RANBP2: variants seen among roughly 807,000 people sequenced by gnomAD.
The protein encoded by RANBP2 is E3 SUMO-protein ligase RanBP2.
In RANBP2, 57 loss-of-function variants were observed where a neutral mutation model predicts 303.6. That is an observed-to-expected ratio of 0.19 (90% CI 0.15 to 0.23). The LOEUF (loss-of-function observed/expected upper bound fraction) is 0.23. Ranked by LOEUF, RANBP2 falls within the 10% of genes least tolerant of loss-of-function variation. The pLI is 1.00. For synonymous variants in RANBP2, 1,167 were observed against 1,301.5 expected (o/e 0.90, Z 2.23); for missense variants, 3,138 against 3,780.8 (o/e 0.83, Z 4.46).
the RANBP2 span, among the ~76,000 whole-genome samples, chr2:109,140,211 C>T: frequency 2.2e-4 from 34 of 152,346 alleles, no homozygotes; most frequent in African/African-American, 7.7e-4. Context: ...GATTGATGCA[C>T]GTGGTTGCAT....
the RANBP2 span, among the ~76,000 whole-genome samples, chr2:108,881,865 C>G: frequency 6.6e-6 from 1 of 152,092 alleles, no homozygotes; most frequent in East Asian, 1.9e-4. Context: ...GATTATTGGC[C>G]AGGCACGATG....
chr2:109,264,242 G>C, the RANBP2 span, among the ~76,000 whole-genome samples: 474 of 145,522 alleles, frequency 3.3e-3, 6 homozygotes, highest in African/African-American at 0.012. Flanking sequence ...GGTGCTCCCT[G>C]TCCACCTCCC....
the RANBP2 span, among the ~76,000 whole-genome samples, chr2:109,557,921 T>C: frequency 6.6e-6 from 1 of 150,906 alleles, no homozygotes; most frequent in Non-Finnish European, 1.5e-5. Flanking sequence ...ACCACCCAAG[T>C]AGCTGGGACT....
the RANBP2 span, among the ~76,000 whole-genome samples, chr2:109,274,063 A>T: frequency 6.6e-6 from 1 of 152,216 alleles, no homozygotes. Flanking sequence ...TATTATTAAC[A>T]TTACTGCTAT....
the RANBP2 span, among the ~76,000 whole-genome samples, chr2:109,023,954 T>G: frequency 6.6e-6 from 1 of 152,152 alleles, no homozygotes; most frequent in Non-Finnish European, 1.5e-5. Context: ...AGACGGAGTT[T>G]CACTCTTGTT....
the RANBP2 span, among the ~76,000 whole-genome samples, chr2:109,692,336 A>G: frequency 1.3e-5 from 2 of 152,076 alleles, no homozygotes; most frequent in African/African-American, 4.8e-5. Flanking sequence ...GGGGTGGCAC[A>G]TCTCCTTGGG....
chr2:108,886,249 T>C, the RANBP2 span, among the ~76,000 whole-genome samples: 2 of 152,210 alleles, frequency 1.3e-5, no homozygotes, highest in East Asian at 3.9e-4. Flanking sequence ...ATCTACATCC[T>C]TGCCAACATC....
At chr2:109,280,047 C>T in the RANBP2 span, among the ~76,000 whole-genome samples, 970 of 152,280 alleles carry the variant, frequency 6.4e-3, 11 homozygotes, top group Non-Finnish European at 8.4e-3. Flanking sequence ...TTCAGAATGC[C>T]AGCCAGGCTC....
At chr2:109,725,407 A>G in the RANBP2 span, among the ~76,000 whole-genome samples, 2 of 152,198 alleles carry the variant, frequency 1.3e-5, no homozygotes, top group Non-Finnish European at 2.9e-5. Flanking sequence ...GGAGAAACCC[A>G]TGGTGCTTGG....
the RANBP2 span, among the ~76,000 whole-genome samples, chr2:109,679,305 A>G: frequency 6.6e-6 from 1 of 152,208 alleles, no homozygotes; most frequent in East Asian, 1.9e-4. Context: ...AGCTTTGCAC[A>G]TGTCTGCAAA....
At chr2:109,560,861 A>C in the RANBP2 span, among the ~76,000 whole-genome samples, 1 of 151,970 alleles carries the variant, frequency 6.6e-6, no homozygotes, top group African/African-American at 2.4e-5. Context: ...CCAAACAACC[A>C]CTAAGTTCTT....
rs1306184111 is a variant in RANBP2, at chr2:108,764,024, A to G, written c.3485A>G (p.His1162Arg). 6.2e-7 allele frequency: 1 copy of G among 1,613,830 alleles called. No homozygotes were observed. Among genetic ancestry groups the G allele is most frequent in the African/African-American group, 1.3e-5 (1 of 74,894 alleles). The change falls in exon 20 of 29, where the codon CAT becomes CGT. Residue 1162 changes from histidine (H) to arginine (R), a missense_variant. By Grantham distance (29) the His-to-Arg change is conservative. Transcript: ENST00000283195. ...KNHETDGGSA[H>R]GDDDDDGPHF... ...CATGAGACAGATGGAGGAAGTGCCC[A>G]TGGGGATGATGATGATGACGGTCCT...
chr2:109,688,969 T>C, the RANBP2 span, among the ~76,000 whole-genome samples: 1 of 150,190 alleles, frequency 6.7e-6, no homozygotes, highest in East Asian at 2.1e-4. Context: ...TGCAATGGCA[T>C]GATCTCGGCT....
intron 21 of RANBP2, 128 bp downstream of exon 21, chr2:108,771,999 C>A (rs999617859): frequency 1.7e-6 from 2 of 1,194,824 alleles, no homozygotes; most frequent in Non-Finnish European, 2.4e-6. Flanking sequence ...AGATATTTAC[C>A]CTAAATGTAT....
At chr2:109,502,086 T>C in the RANBP2 span, 1 of 184,228 alleles carries the variant, frequency 5.4e-6, no homozygotes, top group Admixed American at 5.3e-5. Context: ...AGATCATCTT[T>C]CTGGGCTGCC....
the RANBP2 span, among the ~76,000 whole-genome samples, chr2:109,629,324 T>G: frequency 0.041 from 338 of 8,282 alleles, 11 homozygotes; most frequent in Non-Finnish European, 0.066. Context: ...TATATATATA[T>G]ATATATATAT....
the RANBP2 span, chr2:109,617,122 T>G: frequency 6.0e-6 from 1 of 166,838 alleles, no homozygotes; most frequent in African/African-American, 2.4e-5. Flanking sequence ...TAAGGTACAC[T>G]TTTTATTTTA....
At chr2:109,474,248 C>T in the RANBP2 span, among the ~76,000 whole-genome samples, 1 of 152,174 alleles carries the variant, frequency 6.6e-6, no homozygotes, top group African/African-American at 2.4e-5. Flanking sequence ...CATTTGTCTG[C>T]AGCAGTCCTT....
chr2:109,463,230 A>G, the RANBP2 span, among the ~76,000 whole-genome samples: 3 of 152,188 alleles, frequency 2.0e-5, no homozygotes, highest in African/African-American at 4.8e-5. Context: ...CAGCCCATCT[A>G]TTTCTCTTCC....
Sources: allele counts gnomAD v4.1 joint callset (sites outside exome capture counted in the v4.1 genomes callset), GRCh38; gene constraint gnomAD v4.1.1; transcripts MANE v1.5; gene names NCBI Gene and HGNC (gene_info 2026-07-23, HGNC 2026-07-21).